Variants in TRMT2B observed in about 807,000 individuals in gnomAD.
TRMT2B encodes the protein tRNA (uracil-5-)-methyltransferase homolog B.
Under a neutral mutation model 39.7 loss-of-function variants are expected in TRMT2B, and 34 were observed. The observed-to-expected ratio is 0.86, with a 90% CI of 0.65 to 1.14. TRMT2B has a LOEUF of 1.14. TRMT2B is among the 50% of genes most tolerant of loss of function. The pLI, the probability that TRMT2B is intolerant of heterozygous loss-of-function variation, is 0.00. For missense variants in TRMT2B, 318 were observed against 377.2 expected (o/e 0.84, Z 1.30); for synonymous variants, 132 against 137.3 (o/e 0.96, Z 0.27).
the TRMT2B span, among the ~76,000 whole-genome samples, chrX:101,002,451 T>C: frequency 8.9e-6 from 1 of 112,052 alleles, no homozygotes; most frequent in Non-Finnish European, 1.9e-5. Context: ...CTCTAGTTCA[T>C]ACCCTCTAGA....
At chrX:101,019,767 G>A (rs1569475567) in intron 11 of TRMT2B, among the ~76,000 whole-genome samples, 1 of 108,701 alleles carries the variant, frequency 9.2e-6, no homozygotes, top group Non-Finnish European at 1.9e-5. Context: ...CGAGTAGCTT[G>A]GATTACAGGC....
the TRMT2B span, among the ~76,000 whole-genome samples, chrX:100,996,749 C>A: frequency 9.1e-6 from 1 of 109,697 alleles, no homozygotes; most frequent in Non-Finnish European, 1.9e-5. Context: ...CTCATCTCTA[C>A]TAACGATCAA....
In TRMT2B at chrX:101,020,545, A is replaced by G; in HGVS notation, c.1110T>C (p.Leu370=). Residue 370 remains leucine (L), a synonymous_variant, in exon 11 of 14, where the codon CTT becomes CTC. Coordinates refer to ENST00000372936, the MANE Select transcript of TRMT2B (RefSeq NM_024917.6). ...CTGCCTGCTCCAACAATTCAATCCC[A>G]AGGACCCGAGATGTATGCTGAGCCA... ...LSLAQHTSRV[L]GIELLEQAVE... The G allele has an allele frequency of 8.3e-7, 1 of 1,211,106 alleles. No homozygotes were observed.
At chrX:101,039,262 G>A (rs1441842659) in intron 4 of TRMT2B, among the ~76,000 whole-genome samples, 1 of 109,755 alleles carries the variant, frequency 9.1e-6, no homozygotes, top group South Asian at 3.9e-4. Context: ...AGTAGAGATG[G>A]GGTTTCACCA....
intron 7 of TRMT2B, among the ~76,000 whole-genome samples, chrX:101,030,536 C>T (rs186319013): frequency 9.8e-5 from 10 of 101,966 alleles, no homozygotes; most frequent in Non-Finnish European, 1.4e-4. Context: ...TTGCAACCTC[C>T]GCCTCCCGGG....
chrX:100,974,343 A>T, the TRMT2B span: 2 of 445,521 alleles, frequency 4.5e-6, no homozygotes, highest in African/African-American at 4.9e-5. Flanking sequence ...ACACGCACAC[A>T]CACACATACT....
chrX:100,993,421 T>G, the TRMT2B span, among the ~76,000 whole-genome samples: 6 of 111,336 alleles, frequency 5.4e-5, no homozygotes, highest in African/African-American at 1.3e-4. Flanking sequence ...TGAATAAGAG[T>G]TTTATGAGGC....
In TRMT2B at chrX:101,010,564, G is replaced by A; in HGVS notation, c.*17C>T. The A allele has an allele frequency of 2.5e-6, 3 of 1,209,667 alleles. No homozygotes were observed. Among genetic ancestry groups the A allele is most frequent in the Non-Finnish European group, 3.4e-6 (3 of 894,553 alleles). ...CTTCAGCCTTAACAAATAGCCTGCT[G>A]TCTTCTAGGAGGCTGCTTATCGAGT... On this transcript the variant is annotated 3_prime_UTR_variant, in exon 14 of 14. Transcript: ENST00000372936.
chrX:101,018,491 G>A (rs1468405703), intron 13 of TRMT2B, among the ~76,000 whole-genome samples: 39 of 105,483 alleles, frequency 3.7e-4, no homozygotes. Flanking sequence ...CGCCCAGGCT[G>A]GAGTGCAATG....
chrX:101,047,086 C>T (rs1292633384), intron 2 of TRMT2B, among the ~76,000 whole-genome samples: 4 of 109,986 alleles, frequency 3.6e-5, no homozygotes, highest in African/African-American at 1.3e-4. Flanking sequence ...AAAATATTAG[C>T]CAGGCATGGT....
At chrX:101,030,468 TCAGATGGAGTCTCGC>T (rs2087384953) in intron 7 of TRMT2B, among the ~76,000 whole-genome samples, 2 of 100,093 alleles carry the variant, frequency 2.0e-5, no homozygotes, top group African/African-American at 7.6e-5. Flanking sequence ...TTTTTTTTTT[TCAGATGGAGTCTCGC>T]TCTTTTACCC....
rs10436744 is a variant in TRMT2B at position 101,045,794 on chromosome X, T to C, written c.-23-3482A>G. Reference sequence around the variant, plus strand: ...GCCTAGGTGACAGAGTGAGACTCCATCTCAAAAAATAATAATATTAATAAT... The same window carrying C: ...GCCTAGGTGACAGAGTGAGACTCCACCTCAAAAAATAATAATATTAATAAT... On this transcript the variant is annotated intron_variant, in intron 2 of 13. Transcript: ENST00000372936. Among the ~76,000 whole-genome samples, 3 of 107,285 alleles carry C rather than the reference T, an allele frequency of 2.8e-5. No homozygotes were observed. The East Asian group carries it at 8.7e-4, about 31-fold the overall frequency. The allele number at this position is 107,285 out of a possible 115,157, so 93.2% of individuals were successfully genotyped here.
intron 5 of TRMT2B, 24 bp from the exon 6 acceptor site, chrX:101,037,097 G>C: frequency 1.3e-5 from 14 of 1,108,168 alleles, no homozygotes; most frequent in Non-Finnish European, 1.7e-5. Context: ...AAGGACAGGA[G>C]GGGGATGAGA....
intron 2 of TRMT2B, among the ~76,000 whole-genome samples, chrX:101,042,968 T>C (rs1347186358): frequency 8.9e-6 from 1 of 111,779 alleles, no homozygotes; most frequent in African/African-American, 3.2e-5. Flanking sequence ...ACCATTCTTT[T>C]AATTTATAGT....
At chrX:101,015,851 T>C (rs2086485213) in intron 13 of TRMT2B, among the ~76,000 whole-genome samples, 1 of 111,111 alleles carries the variant, frequency 9.0e-6, no homozygotes, top group Non-Finnish European at 1.9e-5. Flanking sequence ...GGGCAGATCA[T>C]CTGACGTCAG....
chrX:100,986,705 C>G, the TRMT2B span: 10 of 515,388 alleles, frequency 1.9e-5, no homozygotes, highest in Non-Finnish European at 2.5e-5. Flanking sequence ...AGAATTTGTT[C>G]TCCTCCTCTT....
chrX:101,044,414 A>G (rs2148069169), intron 2 of TRMT2B, among the ~76,000 whole-genome samples: 1 of 111,680 alleles, frequency 9.0e-6, no homozygotes, highest in South Asian at 3.7e-4. Flanking sequence ...TAAGAAATAC[A>G]AGCTGTAAGA....
In TRMT2B at chrX:101,041,365, A is replaced by G; in HGVS notation, c.255T>C (p.Ala85=). 6.6e-6 allele frequency: 8 copies of G among 1,208,097 alleles called. No individual in the cohort carries two copies. Among genetic ancestry groups the G allele is most frequent in the Non-Finnish European group, 9.0e-6 (8 of 893,396 alleles). The stretch of plus-strand genomic sequence containing the variant: ...ACCTCCAGAGTGGTGTCACAACATC[A>G]GCCAGCCTTGAATAAAATAATTCAG... ...PLDGSWQERL[A]DVVTPLWRLS... The change falls in exon 4 of 14, where the codon GCT becomes GCC. Residue 85 remains alanine (A), a synonymous_variant. Coordinates refer to ENST00000372936, the MANE Select transcript of TRMT2B (RefSeq NM_024917.6).
intron 5 of TRMT2B, 123 bp from the exon 6 acceptor site, chrX:101,037,196 G>T: frequency 1.9e-6 from 1 of 530,345 alleles, no homozygotes; most frequent in Non-Finnish European, 3.2e-6. Context: ...GGAGGGTATG[G>T]CATATGTGAA....
Sources: allele counts gnomAD v4.1 joint callset (sites outside exome capture counted in the v4.1 genomes callset), GRCh38; gene constraint gnomAD v4.1.1; transcripts MANE v1.5; gene names NCBI Gene and HGNC (gene_info 2026-07-23, HGNC 2026-07-21).